The following PLXDC2 variants were observed in gnomAD, a reference collection of about 807,000 sequenced individuals.
The protein encoded by PLXDC2 is plexin domain containing 2.
In PLXDC2, 40 loss-of-function variants were observed where a neutral mutation model predicts 68.9. The observed-to-expected ratio is 0.58, with a 90% CI of 0.45 to 0.76. PLXDC2 has a LOEUF of 0.76. Ranked by LOEUF, PLXDC2 falls within the 30% of genes least tolerant of loss-of-function variation. The probability of loss-of-function intolerance (pLI) is 0.00; values close to 1 mark genes in which losing one functional copy is unlikely to be tolerated. For synonymous variants in PLXDC2, 243 were observed against 234.2 expected (o/e 1.04, Z -0.34); for missense variants, 644 against 661.9 (o/e 0.97, Z 0.30).
At chr10:20,018,913 T>G (rs900166526) in intron 2 of PLXDC2, among the ~76,000 whole-genome samples, 1 of 152,078 alleles carries the variant, frequency 6.6e-6, no homozygotes, top group African/African-American at 2.4e-5. Context: ...ATATATAAAA[T>G]AGCTATAACT....
At chr10:20,223,445 T>C (rs1212129161) in intron 12 of PLXDC2, among the ~76,000 whole-genome samples, 1 of 151,848 alleles carries the variant, frequency 6.6e-6, no homozygotes, top group African/African-American at 2.4e-5. Context: ...CCCGAGTAGC[T>C]GGGACTACAG....
At chr10:20,201,743 G>A (rs1834922513) in intron 9 of PLXDC2, among the ~76,000 whole-genome samples, 1 of 152,006 alleles carries the variant, frequency 6.6e-6, no homozygotes, top group Admixed American at 6.6e-5. Flanking sequence ...CATTAAATAT[G>A]TAAAATTGTC....
intron 1 of PLXDC2, among the ~76,000 whole-genome samples, chr10:19,881,139 G>A (rs571748095): frequency 1.3e-5 from 2 of 151,236 alleles, no homozygotes; most frequent in Non-Finnish European, 2.9e-5. Flanking sequence ...TTTTTGAGAC[G>A]GAATCTTGCT....
At chr10:20,173,755 A>G (rs1217113992) in intron 7 of PLXDC2, among the ~76,000 whole-genome samples, 1 of 152,198 alleles carries the variant, frequency 6.6e-6, no homozygotes. Flanking sequence ...CATGAGCGAA[A>G]TATATTTTTG....
intron 1 of PLXDC2, among the ~76,000 whole-genome samples, chr10:19,932,231 A>G (rs970589959): frequency 3.9e-5 from 6 of 152,200 alleles, no homozygotes; most frequent in Non-Finnish European, 5.9e-5. Flanking sequence ...TAATTTATTT[A>G]TCAATTCTTC....
At chr10:19,876,587 G>A (rs771050994) in intron 1 of PLXDC2, among the ~76,000 whole-genome samples, 12 of 110,650 alleles carry the variant, frequency 1.1e-4, no homozygotes, top group Non-Finnish European at 1.5e-4. Context: ...GGACAACAGA[G>A]TGAGATTCCA....
At chr10:19,843,082 C>G (rs1836938074) in intron 1 of PLXDC2, among the ~76,000 whole-genome samples, 1 of 151,676 alleles carries the variant, frequency 6.6e-6, no homozygotes, top group Admixed American at 6.6e-5. Flanking sequence ...ATAAAATTTA[C>G]CGGACCCCTA....
At chr10:20,121,655 G>C (rs138417603) in intron 4 of PLXDC2, among the ~76,000 whole-genome samples, 4,801 of 152,246 alleles carry the variant, frequency 0.032, 215 homozygotes, top group African/African-American at 0.1. Flanking sequence ...TTGAGATCCA[G>C]AACAGAATAA....
chr10:19,829,188 G>A (rs1259417790), intron 1 of PLXDC2, among the ~76,000 whole-genome samples: 2 of 50,574 alleles, frequency 4.0e-5, no homozygotes, highest in African/African-American at 1.6e-4. Context: ...TTGGCTTTTT[G>A]TCCTTCAGAT....
chr10:20,037,147 G>C (rs1016476337), intron 2 of PLXDC2, among the ~76,000 whole-genome samples: 1 of 152,136 alleles, frequency 6.6e-6, no homozygotes, highest in Non-Finnish European at 1.5e-5. Context: ...TGCCTATTTA[G>C]AGTCAGAAAC....
chr10:20,282,756 G>A lies in PLXDC2; in HGVS notation c.*2937G>A, dbSNP rs915574590. 2 of 152,086 alleles carry A rather than the reference G, an allele frequency of 1.3e-5. No homozygotes were observed. Among genetic ancestry groups the A allele is most frequent in the Non-Finnish European group, 2.9e-5 (2 of 68,024 alleles). 9.4% of individuals were successfully genotyped at this position (152,086 alleles called of 1,614,324 possible). A position where few individuals can be genotyped will look rare whatever the true frequency, so the allele number is the denominator to read the frequency against. ...CAAGAGATGGCACTGACCATAAATG[G>A]TGGCTTGTGTGTGAAGGGTTTGGAC... On this transcript the variant is annotated 3_prime_UTR_variant, in exon 14 of 14. Transcript: ENST00000377252.
intron 10 of PLXDC2, 81 bp downstream of exon 10, chr10:20,211,810 A>T (rs2131857990): frequency 7.4e-7 from 1 of 1,343,896 alleles, no homozygotes; most frequent in East Asian, 2.4e-5. Flanking sequence ...TTTTTATTCA[A>T]AATTTATGCC....
At chr10:19,972,979 C>G (rs1043938054) in intron 1 of PLXDC2, among the ~76,000 whole-genome samples, 34 of 151,954 alleles carry the variant, frequency 2.2e-4, no homozygotes, top group Non-Finnish European at 4.1e-4. Flanking sequence ...AAAGGAAAAA[C>G]CTATTAAGAT....
chr10:19,870,083 G>T (rs1379343479), intron 1 of PLXDC2, among the ~76,000 whole-genome samples: 1 of 152,162 alleles, frequency 6.6e-6, no homozygotes, highest in Non-Finnish European at 1.5e-5. Context: ...AGAAAGTAAG[G>T]ATTTCTTTGT....
chr10:20,146,431 T>TTTTC (rs1236168184), intron 5 of PLXDC2, among the ~76,000 whole-genome samples: 19 of 150,624 alleles, frequency 1.3e-4, no homozygotes, highest in Admixed American at 7.3e-4. Flanking sequence ...CTTTCTTTCT[T>TTTTC]TTTCTTTCTT....
chr10:20,217,859 A>G (rs926870457), intron 11 of PLXDC2, among the ~76,000 whole-genome samples: 1 of 152,048 alleles, frequency 6.6e-6, no homozygotes, highest in South Asian at 2.1e-4. Context: ...CTTCCTAGAA[A>G]AGAAATACAG....
At chr10:20,004,387 A>G (rs11011730) in intron 2 of PLXDC2, among the ~76,000 whole-genome samples, 12,868 of 152,164 alleles carry the variant, frequency 0.085, 625 homozygotes, top group Admixed American at 0.12. Flanking sequence ...GTGGCCTGCT[A>G]TTTTGGCAAT....
chr10:20,075,441 C>T (rs572691417), intron 4 of PLXDC2, among the ~76,000 whole-genome samples: 2 of 152,272 alleles, frequency 1.3e-5, no homozygotes, highest in East Asian at 1.9e-4. Flanking sequence ...CCTCCCATCT[C>T]AGCCTCCAAA....
chr10:19,996,788 G>A (rs941227320), intron 1 of PLXDC2, among the ~76,000 whole-genome samples: 3 of 152,128 alleles, frequency 2.0e-5, no homozygotes, highest in East Asian at 3.9e-4. Flanking sequence ...GGGGGAAGGC[G>A]AGGAGGGGCA....
Sources: gnomAD v4.1 joint callset for allele counts (sites outside exome capture counted in the v4.1 genomes callset) on GRCh38, gnomAD v4.1.1 for gene constraint, MANE v1.5 for transcripts, NCBI Gene and HGNC (gene_info 2026-07-23, HGNC 2026-07-21) for gene names.